ITIH5: variants seen among roughly 807,000 people sequenced by gnomAD.
ITIH5 encodes inter-alpha-trypsin inhibitor heavy chain H5.
A neutral mutation model predicts 77.5 loss-of-function variants in ITIH5; 65 were observed. That is an observed-to-expected ratio of 0.84 (90% CI 0.69 to 1.03). ITIH5 has a LOEUF of 1.03. ITIH5 is among the 50% of genes least tolerant of loss of function. The pLI, the probability that ITIH5 is intolerant of heterozygous loss-of-function variation, is 0.00. For synonymous variants in ITIH5, 525 were observed against 494.3 expected, an observed-to-expected ratio of 1.06 and a Z score of -0.82; for missense variants, 1,208 against 1,213.1, an observed-to-expected ratio of 1.00 and a Z score of 0.06.
At chr10:7,592,465 G>C (rs1832811976) in intron 7 of ITIH5, among the ~76,000 whole-genome samples, 1 of 152,110 alleles carries the variant, frequency 6.6e-6, no homozygotes, top group South Asian at 2.1e-4. Flanking sequence ...CAGACAGACA[G>C]AATACTCAGA....
At chr10:7,564,907 CTG>C (rs1288536674) in intron 13 of ITIH5, among the ~76,000 whole-genome samples, 6 of 23,682 alleles carry the variant, frequency 2.5e-4, no homozygotes, top group African/African-American at 5.0e-4. Context: ...CATATACAGA[CTG>C]TGTGTGTATA....
intron 2 of ITIH5, among the ~76,000 whole-genome samples, 157 bp from the exon 3 acceptor site, chr10:7,642,247 C>T (rs564444375): frequency 2.6e-5 from 4 of 152,118 alleles, no homozygotes; most frequent in African/African-American, 9.6e-5. Context: ...TCCTGATTTC[C>T]CCATTTTTAA....
chr10:7,642,504 C>T (rs959868876), intron 2 of ITIH5, among the ~76,000 whole-genome samples: 11 of 152,158 alleles, frequency 7.2e-5, no homozygotes, highest in African/African-American at 1.9e-4. Flanking sequence ...AAAACCGGAA[C>T]ATGACTAACA....
chr10:7,653,828 C>T (rs1180168593), intron 2 of ITIH5, among the ~76,000 whole-genome samples: 1 of 152,166 alleles, frequency 6.6e-6, no homozygotes, highest in Non-Finnish European at 1.5e-5. Context: ...AATTTGTTTT[C>T]TCATCTGTAA....
chr10:7,666,365 G>A (rs1834361182), intron 1 of ITIH5, among the ~76,000 whole-genome samples: 1 of 151,900 alleles, frequency 6.6e-6, no homozygotes, highest in Non-Finnish European at 1.5e-5. Flanking sequence ...GTTTTCAGGT[G>A]GGAAAAGCTG....
Position 7,637,206 on chromosome 10 carries a change from G to A in ITIH5, c.652+22C>T, listed in dbSNP as rs189826323. 91 of 1,598,360 alleles carry A rather than the reference G, an allele frequency of 5.7e-5. No homozygotes were observed. In the African/African-American group the frequency reaches 1.0e-3, roughly 18 times the overall value. On this transcript the variant is annotated intron_variant, in intron 5 of 13. Coordinates refer to ENST00000397146, the MANE Select transcript of ITIH5 (RefSeq NM_030569.7). ...GGGTGTTTTCACCACAGATCTGCAC[G>A]AACCCAGCACGCAGGACTCACCTTC...
Position 7,637,405 on chromosome 10 carries a change from A to G in ITIH5, c.475T>C (p.Tyr159His). 1 of 1,614,026 alleles carries G rather than the reference A, an allele frequency of 6.2e-7. No individual in the cohort carries two copies. Among genetic ancestry groups the G allele is most frequent in the Non-Finnish European group, 8.5e-7 (1 of 1,179,912 alleles). ...SKDKAAFFLS[Y>H]EELLQRRLGK... is the part of the protein sequence containing the mutation. ...AGGCGCCTCTGCAGAAGCTCCTCAT[A>G]ACTCAGGAAAAAGGCGGCTTTGTCC... Residue 159 changes from tyrosine (Y) to histidine (H), a missense_variant, in exon 5 of 14, where the codon TAT becomes CAT. Transcript: ENST00000397146.
intron 2 of ITIH5, among the ~76,000 whole-genome samples, chr10:7,652,173 C>G (rs940052981): frequency 7.2e-5 from 11 of 152,108 alleles, no homozygotes; most frequent in African/African-American, 2.7e-4. Context: ...TGCCAGGGAG[C>G]TTCATAAAAA....
At chr10:7,605,535 C>T (rs891820337) in intron 7 of ITIH5, among the ~76,000 whole-genome samples, 6 of 46,990 alleles carry the variant, frequency 1.3e-4, no homozygotes, top group Non-Finnish European at 3.1e-4. Flanking sequence ...TACCTAGCAC[C>T]CCACCCCCAA....
chr10:7,572,820 C>T (rs1479694352), intron 11 of ITIH5: 1 of 135,422 alleles, frequency 7.4e-6, no homozygotes, highest in Admixed American at 1.1e-4. Context: ...TCTTGTAGTC[C>T]AGGCTAGAGT....
chr10:7,573,030 G>A (rs932007891), intron 11 of ITIH5, 112 bp downstream of exon 11: 27 of 948,380 alleles, frequency 2.8e-5, no homozygotes, highest in African/African-American at 1.5e-4. Flanking sequence ...CACCCACCTC[G>A]GCCTCCCAAA....
intron 5 of ITIH5, among the ~76,000 whole-genome samples, chr10:7,623,249 CAA>C (rs1315746001): frequency 6.6e-6 from 1 of 152,164 alleles, no homozygotes; most frequent in Non-Finnish European, 1.5e-5. Flanking sequence ...GGTGCATTGA[CAA>C]AAGGATTTCC....
At chr10:7,629,667 C>A (rs141312471) in intron 5 of ITIH5, among the ~76,000 whole-genome samples, 2 of 152,316 alleles carry the variant, frequency 1.3e-5, no homozygotes, top group Non-Finnish European at 2.9e-5. Flanking sequence ...CCTTTTCATG[C>A]CTGGATAATA....
At chr10:7,666,694 G>T in intron 1 of ITIH5, 109 bp downstream of exon 1, 1 of 784,940 alleles carries the variant, frequency 1.3e-6, no homozygotes, top group Non-Finnish European at 2.0e-6. Flanking sequence ...GCCTCTGGTG[G>T]GGGCCTGGGA....
At chr10:7,652,000 A>G (rs1477249169) in intron 2 of ITIH5, among the ~76,000 whole-genome samples, 2 of 152,170 alleles carry the variant, frequency 1.3e-5, no homozygotes, top group African/African-American at 4.8e-5. Context: ...ACTGTAGAAC[A>G]CCTGCTGCAA....
chr10:7,616,080 C>T lies in ITIH5; in HGVS notation c.841G>A (p.Val281Met). ...AGGTCTTTAGGAGCAAAGTAGTGCA[C>T]AAAATAGCCATTTAGAACCTGGTGG... ...GDIQVLNGYF[V>M]HYFAPKDLPP... is the part of the protein sequence containing the mutation. The change falls in exon 7 of 14, where the codon GTG (valine) becomes ATG (methionine). Residue 281 changes from valine (V) to methionine (M), a missense_variant. Transcript: ENST00000397146. The T allele has an allele frequency of 1.9e-6, 3 of 1,606,828 alleles. No homozygotes were observed. The South Asian group carries it at 3.3e-5, about 18-fold the overall frequency.
chr10:7,563,838 T>C (rs973229584), intron 13 of ITIH5, among the ~76,000 whole-genome samples: 3 of 152,238 alleles, frequency 2.0e-5, no homozygotes, highest in African/African-American at 7.2e-5. Context: ...AGGACTCTCC[T>C]GGTCAGATGG....
intron 7 of ITIH5, among the ~76,000 whole-genome samples, chr10:7,610,040 C>T (rs1397441029): frequency 6.6e-6 from 1 of 151,060 alleles, no homozygotes; most frequent in South Asian, 2.1e-4. Flanking sequence ...ACATTTTTCT[C>T]CCCCCTCCCT....
intron 5 of ITIH5, among the ~76,000 whole-genome samples, chr10:7,633,274 A>G (rs1180772156): frequency 1.3e-5 from 2 of 152,164 alleles, no homozygotes; most frequent in Non-Finnish European, 2.9e-5. Context: ...ATTTTAATAA[A>G]CAGAAATTAT....
Sources: gnomAD v4.1 joint callset for allele counts (sites outside exome capture counted in the v4.1 genomes callset) on GRCh38, gnomAD v4.1.1 for gene constraint, MANE v1.5 for transcripts, NCBI Gene and HGNC (gene_info 2026-07-23, HGNC 2026-07-21) for gene names.